The following NTM variants were observed in gnomAD, a reference collection of about 807,000 sequenced individuals.
The protein encoded by NTM is neurotrimin, also known as IgLON family member 2.
A neutral mutation model predicts 42.1 loss-of-function variants in NTM; 13 were observed. The ratio of observed to expected loss-of-function variants is 0.31; its 90% confidence interval spans 0.20 to 0.49. NTM has a LOEUF of 0.49. NTM is among the 20% of genes least tolerant of loss of function. The pLI, the probability that NTM is intolerant of heterozygous loss-of-function variation, is 0.99. For missense variants in NTM, 373 were observed against 452.8 expected, an observed-to-expected ratio of 0.82 and a Z score of 1.60; for synonymous variants, 187 against 179.2, an observed-to-expected ratio of 1.04 and a Z score of -0.35.
chr11:131,371,173 A>G, intron 1 of NTM: 1 of 827,540 alleles, frequency 1.2e-6, no homozygotes, highest in Non-Finnish European at 1.5e-6. Context: ...CTTCATGCAC[A>G]TTCTTGCACA....
intron 4 of NTM, among the ~76,000 whole-genome samples, chr11:132,270,418 G>A (rs1378636771): frequency 2.6e-5 from 4 of 151,690 alleles, no homozygotes; most frequent in East Asian, 1.9e-4. Context: ...TAGTAGAGAC[G>A]GGGTTTCACC....
At chr11:131,588,012 TG>T (rs1298929709) in intron 1 of NTM, among the ~76,000 whole-genome samples, 1 of 152,246 alleles carries the variant, frequency 6.6e-6, no homozygotes, top group Non-Finnish European at 1.5e-5. Flanking sequence ...ATGCTTGCTA[TG>T]TGCCAGGCAC....
intron 1 of NTM, among the ~76,000 whole-genome samples, chr11:131,524,062 C>T (rs1385851993): frequency 6.6e-6 from 1 of 152,132 alleles, no homozygotes; most frequent in Non-Finnish European, 1.5e-5. Flanking sequence ...AGAAACCATC[C>T]TGATTTGTGG....
chr11:132,064,263 C>T (rs2136064320), intron 2 of NTM, among the ~76,000 whole-genome samples: 1 of 152,132 alleles, frequency 6.6e-6, no homozygotes, highest in East Asian at 1.9e-4. Flanking sequence ...ATTTGGGGTT[C>T]AGAAGCCCAT....
rs906975583 is a variant in NTM at position 131,937,862 on chromosome 11, G to A, written c.167+26214G>A. ...TGTTCAGCAAAGTGTCTCAAAGGGC[G>A]GGTAAAAAATGAGATTCTTTCTTTA... On this transcript the variant is annotated intron_variant, in intron 2 of 8. Transcript: ENST00000683400. Among the ~76,000 whole-genome samples, 8 of 152,212 alleles carry A rather than the reference G, an allele frequency of 5.3e-5. No homozygotes were observed. In the South Asian group the frequency reaches 6.2e-4, roughly 12 times the overall value.
rs1384279121 is a variant in NTM, at chr11:131,616,813, T to G, written c.82+245925T>G. 9.2e-5 allele frequency among the ~76,000 whole-genome samples: 7 copies of G among 76,310 alleles called. No individual in the cohort carries two copies. The East Asian group carries it at 1.3e-3, about 14-fold the overall frequency. The allele number at this position is 76,310 out of a possible 152,430, so 50.1% of individuals were successfully genotyped here. Reference sequence around the variant, plus strand: ...TGTGTGTGTGTGTGTGTGTGTGTGTTGTTTGGTTTGGTTTTCCTACAGCTG... The same window carrying G: ...TGTGTGTGTGTGTGTGTGTGTGTGTGGTTTGGTTTGGTTTTCCTACAGCTG... On this transcript the variant is annotated intron_variant, in intron 1 of 8. Coordinates refer to ENST00000683400, the MANE Select transcript of NTM (RefSeq NM_001352005.2).
chr11:132,270,525 G>T (rs2093425560), intron 4 of NTM, among the ~76,000 whole-genome samples: 1 of 151,964 alleles, frequency 6.6e-6, no homozygotes, highest in African/African-American at 2.4e-5. Flanking sequence ...CACTGTGCCT[G>T]GTCAGAGAAC....
chr11:132,029,459 C>A (rs150360257), intron 2 of NTM, among the ~76,000 whole-genome samples: 2 of 150,168 alleles, frequency 1.3e-5, no homozygotes, highest in African/African-American at 4.9e-5. Context: ...TTTGTCCTTG[C>A]GATAGTTTGC....
chr11:131,942,058 C>T (rs1346792914), intron 2 of NTM, among the ~76,000 whole-genome samples: 1 of 151,962 alleles, frequency 6.6e-6, no homozygotes, highest in Non-Finnish European at 1.5e-5. Flanking sequence ...TTGTTAGGTG[C>T]TGGGGATTTA....
chr11:131,960,888 GA>G (rs2062087637), intron 2 of NTM, among the ~76,000 whole-genome samples: 1 of 152,140 alleles, frequency 6.6e-6, no homozygotes, highest in Non-Finnish European at 1.5e-5. Context: ...TCAGGTGCAG[GA>G]GGGTCAATAT....
intron 1 of NTM, among the ~76,000 whole-genome samples, chr11:131,700,486 A>G (rs997426403): frequency 1.6e-4 from 24 of 152,246 alleles, no homozygotes; most frequent in Admixed American, 1.6e-3. Flanking sequence ...CACTTGACCC[A>G]GTTGCTTACT....
chr11:132,028,102 C>A (rs2075422514), intron 2 of NTM, among the ~76,000 whole-genome samples: 1 of 151,906 alleles, frequency 6.6e-6, no homozygotes, highest in Admixed American at 6.6e-5. Context: ...TTACATTCCC[C>A]ATTTGTCCTT....
intron 4 of NTM, among the ~76,000 whole-genome samples, chr11:132,303,421 T>G (rs972366507): frequency 1.3e-5 from 2 of 152,220 alleles, no homozygotes; most frequent in Admixed American, 6.5e-5. Context: ...CTTCACCCTG[T>G]GTGTCTTCAC....
chr11:131,860,011 C>T (rs2046466936), intron 1 of NTM, among the ~76,000 whole-genome samples: 1 of 152,148 alleles, frequency 6.6e-6, no homozygotes, highest in African/African-American at 2.4e-5. Context: ...ATGTGAGTAA[C>T]TCTGATATCT....
intron 1 of NTM, among the ~76,000 whole-genome samples, chr11:131,620,828 T>G (rs751401754): frequency 6.6e-6 from 1 of 152,192 alleles, no homozygotes; most frequent in Non-Finnish European, 1.5e-5. Flanking sequence ...TAGGCTAATA[T>G]GTACTTTCTA....
At position 132,106,015 on chromosome 11, in the gene NTM, G is replaced by A. The variant is rs1204375547; in HGVS notation, c.168-40267G>A. 2.0e-5 allele frequency among the ~76,000 whole-genome samples: 3 copies of A among 152,278 alleles called. No individual in the cohort carries two copies. In the East Asian group the frequency reaches 5.8e-4, roughly 29 times the overall value. ...TTAAACCTAAGTCAATTTGAGGGTG[G>A]CCTGGGATCATGGGCTCCGTGGCAA... On this transcript the variant is annotated intron_variant, in intron 2 of 8. Transcript: ENST00000683400.
intron 4 of NTM, among the ~76,000 whole-genome samples, chr11:132,239,953 A>T (rs2089882967): frequency 6.6e-6 from 1 of 151,910 alleles, no homozygotes; most frequent in South Asian, 2.1e-4. Context: ...CCATCCATTC[A>T]TCCATCCAAC....
At chr11:131,591,609 C>A (rs573723602) in intron 1 of NTM, among the ~76,000 whole-genome samples, 82 of 152,318 alleles carry the variant, frequency 5.4e-4, no homozygotes, top group African/African-American at 1.8e-3. Context: ...AGATTTGCTC[C>A]CCGAAAGGGT....
intron 1 of NTM, chr11:131,455,388 A>G (rs1289180571): frequency 6.6e-6 from 1 of 152,278 alleles, no homozygotes; most frequent in Non-Finnish European, 1.5e-5. Context: ...CTGTCAGACC[A>G]CTGAGCTCAA....
Sources: allele counts gnomAD v4.1 joint callset (sites outside exome capture counted in the v4.1 genomes callset), GRCh38; gene constraint gnomAD v4.1.1; transcripts MANE v1.5; gene names NCBI Gene and HGNC (gene_info 2026-07-23, HGNC 2026-07-21).